TENM1: variants seen among roughly 807,000 people sequenced by gnomAD.
The protein encoded by TENM1 is teneurin transmembrane protein 1.
TENM1 carries 35 observed loss-of-function variants against 174.8 expected under a neutral mutation model. The ratio of observed to expected loss-of-function variants is 0.20; its 90% CI spans 0.15 to 0.27. TENM1 has a LOEUF of 0.27. Among genes scored for constraint, TENM1 ranks in the 10% least tolerant of loss-of-function variants. The pLI is 1.00. For missense variants in TENM1, 1,633 were observed against 2,130.1 expected, an observed-to-expected ratio of 0.77 and a Z score of 4.59; for synonymous variants, 781 against 798.7, an observed-to-expected ratio of 0.98 and a Z score of 0.37.
At chrX:124,505,267 T>C (rs2047421055) in intron 18 of TENM1, among the ~76,000 whole-genome samples, 1 of 112,253 alleles carries the variant, frequency 8.9e-6, no homozygotes, top group Non-Finnish European at 1.9e-5. Flanking sequence ...ACTCATGAAA[T>C]GCAGACTCAT....
At chrX:124,653,901 C>T in intron 6 of TENM1, 118 bp from the exon 10 acceptor site, 4 of 612,659 alleles carry the variant, frequency 6.5e-6, no homozygotes, top group Non-Finnish European at 1.0e-5. Flanking sequence ...TTCTTCCTCC[C>T]CACCCCATCT....
the TENM1 span, among the ~76,000 whole-genome samples, chrX:125,023,239 T>A: frequency 1.8e-5 from 2 of 111,068 alleles, no homozygotes; most frequent in Non-Finnish European, 3.8e-5. Flanking sequence ...TCTCATGAGA[T>A]CTGATGATTT....
chrX:125,181,098 C>T, the TENM1 span, among the ~76,000 whole-genome samples: 54 of 111,868 alleles, frequency 4.8e-4, no homozygotes, highest in Non-Finnish European at 9.6e-4. Context: ...TAATATTTAT[C>T]GAGCATACAC....
At chrX:124,763,182 T>C (rs927822876) in intron 3 of TENM1, among the ~76,000 whole-genome samples, 4 of 110,606 alleles carry the variant, frequency 3.6e-5, no homozygotes, top group Non-Finnish European at 7.6e-5. Context: ...AACAGACTAG[T>C]CTACAAGGTT....
chrX:124,422,723 G>T, intron 23 of TENM1, 85 bp from the exon 27 acceptor site: 1 of 977,903 alleles, frequency 1.0e-6, no homozygotes, highest in Non-Finnish European at 1.4e-6. Flanking sequence ...AAAAAAATTG[G>T]TGTATTGTTT....
At chrX:124,726,065 T>G (rs994048893) in intron 4 of TENM1, among the ~76,000 whole-genome samples, 6 of 112,106 alleles carry the variant, frequency 5.4e-5, no homozygotes, top group Non-Finnish European at 1.9e-5. Context: ...TTCACTAAAA[T>G]TTAATTTTTG....
intron 20 of TENM1, 21 bp from the exon 24 acceptor site, chrX:124,487,250 A>G (rs1180671428): frequency 6.9e-6 from 8 of 1,162,891 alleles, no homozygotes; most frequent in Non-Finnish European, 9.2e-6. Context: ...CAAGGTATCC[A>G]CGAGTGGCAA....
At chrX:125,005,185 T>TAC in the TENM1 span, among the ~76,000 whole-genome samples, 2 of 62,209 alleles carry the variant, frequency 3.2e-5, no homozygotes, top group Admixed American at 2.3e-4. Flanking sequence ...AAAAGATGTA[T>TAC]ACATACACAC....
chrX:124,568,814 A>G (rs1343608192), intron 11 of TENM1, among the ~76,000 whole-genome samples: 1 of 111,718 alleles, frequency 9.0e-6, no homozygotes, highest in Non-Finnish European at 1.9e-5. Context: ...GCATCTGTCA[A>G]TTATACTAGA....
intron 23 of TENM1, among the ~76,000 whole-genome samples, chrX:124,446,033 G>T (rs2147822644): frequency 8.9e-6 from 1 of 112,508 alleles, no homozygotes; most frequent in Non-Finnish European, 1.9e-5. Flanking sequence ...TATTGATTTT[G>T]AACAAATGGA....
chrX:125,113,344 C>T, the TENM1 span, among the ~76,000 whole-genome samples: 1 of 110,713 alleles, frequency 9.0e-6, no homozygotes, highest in Admixed American at 9.6e-5. Flanking sequence ...ACACAGGACA[C>T]AAAAAAGCAC....
chrX:124,914,624 T>C (rs1431277005), intron 1 of TENM1, among the ~76,000 whole-genome samples: 1 of 111,350 alleles, frequency 9.0e-6, no homozygotes, highest in Non-Finnish European at 1.9e-5. Context: ...ATAAGTATCA[T>C]CCATTCATTT....
At position 124,613,619 on chromosome X, in the gene TENM1, T is replaced by A. The variant is rs1156257267; in HGVS notation, c.2077+28172A>T. Among the ~76,000 whole-genome samples, 3 of 111,526 alleles carry A rather than the reference T, an allele frequency of 2.7e-5. No individual in the cohort carries two copies. In the East Asian group the frequency reaches 8.4e-4, roughly 31 times the overall value. ...CTAAATATGTCCACCTCACCCTTTATTTCATTTCTTTCACTGCTTGGTAAT... is the reference window on the plus strand; with the variant it reads ...CTAAATATGTCCACCTCACCCTTTAATTCATTTCTTTCACTGCTTGGTAAT... On this transcript the variant is annotated intron_variant, in intron 11 of 31. Transcript: ENST00000422452.
chrX:124,487,365 T>C (rs2046974411), intron 20 of TENM1, 136 bp from the exon 24 acceptor site: 1 of 545,065 alleles, frequency 1.8e-6, no homozygotes, highest in African/African-American at 2.3e-5. Flanking sequence ...TCTATGGGGA[T>C]CATTTAGTCA....
At chrX:124,406,601 T>C (rs1478504727) in intron 25 of TENM1, 112 bp from the exon 29 acceptor site, 1 of 461,437 alleles carries the variant, frequency 2.2e-6, no homozygotes, top group Non-Finnish European at 3.7e-6. Flanking sequence ...TGATAACAAG[T>C]ATTATTAACC....
chrX:124,645,413 T>C, intron 9 of TENM1, 76 bp from the exon 13 acceptor site: 1 of 1,026,176 alleles, frequency 9.7e-7, no homozygotes. Context: ...TCTATTGATT[T>C]TCGTATTTCA....
chrX:125,023,186 G>A, the TENM1 span, among the ~76,000 whole-genome samples: 2 of 111,112 alleles, frequency 1.8e-5, no homozygotes, highest in African/African-American at 3.3e-5. Context: ...ATTGGATTAT[G>A]GGGGCGGTTT....
intron 4 of TENM1, among the ~76,000 whole-genome samples, chrX:124,728,121 G>A (rs1457546720): frequency 9.1e-6 from 1 of 110,077 alleles, no homozygotes; most frequent in Non-Finnish European, 1.9e-5. Flanking sequence ...TCATGCCACA[G>A]GGAAGAAAAA....
At chrX:124,801,616 G>A (rs2055452845) in intron 3 of TENM1, among the ~76,000 whole-genome samples, 1 of 112,017 alleles carries the variant, frequency 8.9e-6, no homozygotes, top group Non-Finnish European at 1.9e-5. Context: ...GTGTGAATTT[G>A]ATTCTGTCAT....
Sources: gnomAD v4.1 joint callset for allele counts (sites outside exome capture counted in the v4.1 genomes callset) on GRCh38, gnomAD v4.1.1 for gene constraint, MANE v1.5 for transcripts, NCBI Gene and HGNC (gene_info 2026-07-23, HGNC 2026-07-21) for gene names.